The following RBM47 variants were observed in gnomAD, a reference collection of about 807,000 sequenced individuals.
The protein encoded by RBM47 is RNA-binding protein 47.
Under a neutral mutation model 47.1 loss-of-function variants are expected in RBM47, and 21 were observed. The observed-to-expected ratio is 0.45, with a 90% CI of 0.32 to 0.64. The LOEUF (loss-of-function observed/expected upper bound fraction) is 0.64. RBM47 is among the 30% of genes least tolerant of loss of function. The pLI is 0.05. For synonymous variants in RBM47, 375 were observed against 361.7 expected (o/e 1.04, Z -0.42); for missense variants, 708 against 870.9 (o/e 0.81, Z 2.35).
chr4:40,526,752 A>G (rs1560445940), intron 2 of RBM47, among the ~76,000 whole-genome samples: 1 of 133,360 alleles, frequency 7.5e-6, no homozygotes, highest in Non-Finnish European at 1.6e-5. Flanking sequence ...TATTTTATGT[A>G]GAGACAGGGT....
At chr4:40,574,776 G>C (rs1182590713) in intron 1 of RBM47, among the ~76,000 whole-genome samples, 1 of 152,136 alleles carries the variant, frequency 6.6e-6, no homozygotes, top group Non-Finnish European at 1.5e-5. Context: ...CTTGAACCCC[G>C]GAGGCAGAGG....
At chr4:40,582,903 G>C (rs980848792) in intron 1 of RBM47, among the ~76,000 whole-genome samples, 3 of 152,144 alleles carry the variant, frequency 2.0e-5, no homozygotes, top group African/African-American at 4.8e-5. Flanking sequence ...AACTCTATCA[G>C]AGCAACTGTA....
At chr4:40,569,621 G>A (rs536342677) in intron 1 of RBM47, among the ~76,000 whole-genome samples, 2 of 151,878 alleles carry the variant, frequency 1.3e-5, no homozygotes, top group African/African-American at 2.4e-5. Context: ...GTGTTAGCCA[G>A]GACGGTCTCT....
Position 40,437,117 on chromosome 4 carries a change from C to CATAT in RBM47, c.1124-474_1124-471dup, listed in dbSNP as rs767630676. Among the ~76,000 whole-genome samples the CATAT allele has an allele frequency of 5.4e-4, 29 of 53,290 alleles. 3 individuals are homozygous for CATAT. Among genetic ancestry groups the CATAT allele is most frequent in the African/African-American group, 2.5e-3 (22 of 8,872 alleles). 35.0% of individuals were successfully genotyped at this position (53,290 alleles called of 152,430 possible). A position where few individuals can be genotyped will look rare whatever the true frequency, so the allele number is the denominator to read the frequency against. On this transcript the variant is annotated intron_variant, in intron 4 of 6. Coordinates refer to ENST00000295971, the MANE Select transcript of RBM47 (RefSeq NM_001098634.2). ...TATATATATATATATATATAAAATA[C>CATAT]ATATATATATATATAAAATACATAT...
rs1432291010 is a variant in RBM47, at chr4:40,570,548, C to T, written c.-239-26042G>A. On this transcript the variant is annotated intron_variant, in intron 1 of 6. Coordinates refer to ENST00000295971, the MANE Select transcript of RBM47 (RefSeq NM_001098634.2). ...AAATACAGATGAAGCTGTGCTGGCT[C>T]ACCCGCTGCTCATCTCCTGCTGTGC... is the stretch of plus-strand genomic sequence containing the variant. 1.3e-5 allele frequency among the ~76,000 whole-genome samples: 2 copies of T among 151,968 alleles called. 1 individual carries two copies. The highest frequency in any genetic ancestry group is 2.9e-5 in the Non-Finnish European group (2 of 67,896).
intron 2 of RBM47, among the ~76,000 whole-genome samples, chr4:40,492,895 C>T (rs1202368645): frequency 6.6e-6 from 1 of 152,160 alleles, no homozygotes; most frequent in Non-Finnish European, 1.5e-5. Context: ...TTCCCAGCCT[C>T]AGCAGGCAGC....
intron 3 of RBM47, among the ~76,000 whole-genome samples, chr4:40,460,732 A>G (rs1201049033): frequency 1.3e-5 from 2 of 151,956 alleles, no homozygotes; most frequent in South Asian, 2.1e-4. Context: ...TACTAAAAAT[A>G]CAAAAGTTAG....
intron 3 of RBM47, among the ~76,000 whole-genome samples, chr4:40,452,336 GGTCTAA>G (rs1343393773): frequency 2.0e-5 from 3 of 152,042 alleles, no homozygotes; most frequent in African/African-American, 7.2e-5. Flanking sequence ...GATTGTGAAG[GGTCTAA>G]GTCTCTCACT....
intron 1 of RBM47, among the ~76,000 whole-genome samples, chr4:40,626,697 A>G (rs902176626): frequency 4.0e-4 from 61 of 152,284 alleles, no homozygotes; most frequent in African/African-American, 1.4e-3. Context: ...CGCCCTCCCC[A>G]CTGCCTCTCC....
intron 3 of RBM47, among the ~76,000 whole-genome samples, chr4:40,456,083 C>T (rs1051210937): frequency 6.6e-6 from 1 of 152,176 alleles, no homozygotes; most frequent in African/African-American, 2.4e-5. Context: ...ATGGCTACTA[C>T]TATGTTCTCT....
At chr4:40,510,678 G>C (rs1452107627) in intron 2 of RBM47, among the ~76,000 whole-genome samples, 1 of 152,136 alleles carries the variant, frequency 6.6e-6, no homozygotes, top group East Asian at 1.9e-4. Flanking sequence ...GTGAATGCTT[G>C]CTTGAATGGT....
At chr4:40,437,173 A>T (rs1712766865) in intron 4 of RBM47, among the ~76,000 whole-genome samples, 1 of 136,522 alleles carries the variant, frequency 7.3e-6, no homozygotes, top group East Asian at 2.0e-4. Flanking sequence ...TATATATATA[A>T]TACATATATA....
intron 1 of RBM47, among the ~76,000 whole-genome samples, chr4:40,560,911 G>T (rs1730546750): frequency 1.3e-5 from 2 of 151,718 alleles, no homozygotes; most frequent in Admixed American, 6.6e-5. Flanking sequence ...GTTGCAGTGA[G>T]CCGAGAACGC....
chr4:40,549,108 T>TGGG (rs1553900131), intron 1 of RBM47, among the ~76,000 whole-genome samples: 4 of 139,374 alleles, frequency 2.9e-5, no homozygotes, highest in African/African-American at 1.2e-4. Flanking sequence ...TTCTTTTTTT[T>TGGG]TGGGGGGGGG....
chr4:40,609,359 T>C (rs1736048803), intron 1 of RBM47, among the ~76,000 whole-genome samples: 1 of 150,700 alleles, frequency 6.6e-6, no homozygotes, highest in Non-Finnish European at 1.5e-5. Flanking sequence ...ATGGCCCACA[T>C]TGGAGTGCAG....
Position 40,437,794 on chromosome 4 carries a change from G to C in RBM47, c.1100C>G (p.Pro367Arg), listed in dbSNP as rs1376449126. 6.2e-7 allele frequency: 1 copy of C among 1,607,338 alleles called. No individual in the cohort carries two copies. Among genetic ancestry groups the C allele is most frequent in the African/African-American group, 1.3e-5 (1 of 74,792 alleles). The part of the protein sequence containing the change: ...YGYPYNALIG[P>R]NRDYFVKAGS... ...ACCTTTCACAAAGTAGTCCCTGTTGGGCCCAATGAGCGCGTTGTAGGGGTA... is the reference window on the plus strand; with the variant it reads ...ACCTTTCACAAAGTAGTCCCTGTTGCGCCCAATGAGCGCGTTGTAGGGGTA... Residue 367 changes from proline to arginine, a missense_variant, in exon 4 of 7, where the codon CCC (proline) becomes CGC (arginine). Physicochemically the swap from Pro to Arg is moderately radical, Grantham distance 103. Transcript: ENST00000295971.
intron 1 of RBM47, among the ~76,000 whole-genome samples, chr4:40,544,839 G>T (rs931250826): frequency 3.3e-5 from 5 of 152,074 alleles, no homozygotes; most frequent in African/African-American, 1.2e-4. Context: ...GAAGGCCGAG[G>T]CAGGAGCATC....
chr4:40,618,786 G>C (rs1265920056), intron 1 of RBM47, among the ~76,000 whole-genome samples: 2 of 120,742 alleles, frequency 1.7e-5, no homozygotes, highest in African/African-American at 6.3e-5. Flanking sequence ...TCCAGCCTAG[G>C]CAACAGAGCG....
In RBM47 at chr4:40,426,081, C is replaced by T. The variant is rs377245664; in HGVS notation, c.1605G>A (p.Gly535=). The change falls in exon 7 of 7, where the codon GGG becomes GGA. Residue 535 remains glycine (G), a synonymous_variant. Transcript: ENST00000295971. The stretch of plus-strand genomic sequence containing the variant: ...ATGGCACGTAACTGGCCCCGTAGAT[C>T]CCGGCAGTAGGAATTCTCTGAACGT... ...APNVQRIPTA[G]IYGASYVPFA... 3 of 1,614,080 alleles carry T rather than the reference C, an allele frequency of 1.9e-6. No individual in the cohort carries two copies. The highest frequency in any genetic ancestry group is 3.3e-5 in the Admixed American group (2 of 59,994).
Sources: allele counts gnomAD v4.1 joint callset (sites outside exome capture counted in the v4.1 genomes callset), GRCh38; gene constraint gnomAD v4.1.1; transcripts MANE v1.5; gene names NCBI Gene and HGNC (gene_info 2026-07-23, HGNC 2026-07-21).